The following TMEM164 variants were observed in gnomAD, a reference collection of about 807,000 sequenced individuals.
TMEM164 encodes transmembrane protein 164.
In TMEM164, 4 loss-of-function variants were observed where a neutral mutation model predicts 18.8. The observed-to-expected ratio is 0.21, with a 90% CI of 0.10 to 0.49. TMEM164 has a LOEUF of 0.49. Among genes scored for constraint, TMEM164 ranks in the 20% least tolerant of loss-of-function variants. The pLI is 0.98. For missense variants in TMEM164, 108 were observed against 239.9 expected (o/e 0.45, Z 3.63); for synonymous variants, 86 against 101.7 (o/e 0.85, Z 0.93).
chrX:110,129,997 A>T (rs1426562581), intron 4 of TMEM164, among the ~76,000 whole-genome samples: 2 of 112,616 alleles, frequency 1.8e-5, no homozygotes, highest in Non-Finnish European at 3.7e-5. Flanking sequence ...TGTAAGGTAC[A>T]TAAAGGCAGA....
At chrX:110,147,653 C>A (rs1341845180) in intron 5 of TMEM164, among the ~76,000 whole-genome samples, 1 of 110,764 alleles carries the variant, frequency 9.0e-6, no homozygotes, top group African/African-American at 3.3e-5. Flanking sequence ...TGGTCCCTTC[C>A]CCTATATTCC....
intron 2 of TMEM164, among the ~76,000 whole-genome samples, chrX:110,031,860 C>A (rs868586708): frequency 2.0e-5 from 2 of 102,492 alleles, no homozygotes; most frequent in African/African-American, 7.7e-5. Context: ...CTTTTTTTTT[C>A]TTTTTATTAT....
At chrX:110,020,567 G>A in intron 2 of TMEM164, 1 of 754,488 alleles carries the variant, frequency 1.3e-6, no homozygotes, top group Non-Finnish European at 1.6e-6. Flanking sequence ...CCAGGAAGTG[G>A]AATGAGATCC....
Position 110,086,636 on chromosome X carries a change from GTGTATATATATGTA to G in TMEM164, c.440+19242_440+19255del, listed in dbSNP as rs1426338961. ...TATATATGTGTATATATGTATATAT[GTGTATATATATGTA>G]TATATATATGTGTGTGTGTATATAT... is the stretch of plus-strand genomic sequence containing the variant. On this transcript the variant is annotated intron_variant, in intron 3 of 6. Transcript: ENST00000372068. Among the ~76,000 whole-genome samples the G allele has an allele frequency of 2.2e-4, 14 of 63,216 alleles. No individual in the cohort carries two copies. In the South Asian group the frequency reaches 3.0e-3, roughly 14 times the overall value. The allele number at this position is 63,216 out of a possible 115,157, so 54.9% of individuals were successfully genotyped here.
chrX:110,120,941 C>T (rs998101972), intron 4 of TMEM164, among the ~76,000 whole-genome samples: 5 of 112,093 alleles, frequency 4.5e-5, no homozygotes, highest in Admixed American at 2.8e-4. Flanking sequence ...CTAGTTCTGC[C>T]CTGCCACTGG....
chrX:110,079,369 G>A (rs2065719065), intron 3 of TMEM164, among the ~76,000 whole-genome samples: 1 of 112,006 alleles, frequency 8.9e-6, no homozygotes, highest in African/African-American at 3.2e-5. Context: ...AATGTGTTGA[G>A]CATCCCCAAA....
chrX:110,119,241 C>G (rs1307138893), intron 4 of TMEM164, among the ~76,000 whole-genome samples: 1 of 112,035 alleles, frequency 8.9e-6, no homozygotes, highest in Non-Finnish European at 1.9e-5. Flanking sequence ...GGCTTTGTGC[C>G]TTTTGTCTTT....
intron 2 of TMEM164, among the ~76,000 whole-genome samples, chrX:110,019,969 C>T (rs1438914723): frequency 8.9e-6 from 1 of 112,228 alleles, no homozygotes; most frequent in African/African-American, 3.2e-5. Context: ...GTTTATGCTG[C>T]ACTGTTAGAC....
At chrX:110,033,784 C>T (rs1318244337) in intron 2 of TMEM164, among the ~76,000 whole-genome samples, 1 of 111,088 alleles carries the variant, frequency 9.0e-6, no homozygotes, top group African/African-American at 3.3e-5. Flanking sequence ...TTCCCTGATC[C>T]CCACTTTTAC....
chrX:110,173,725 G>A lies in TMEM164; in HGVS notation c.*274G>A. 1 of 346,483 alleles carries A rather than the reference G, an allele frequency of 2.9e-6. No individual in the cohort carries two copies. Among genetic ancestry groups the A allele is most frequent in the Non-Finnish European group, 5.0e-6 (1 of 200,519 alleles). The allele number at this position is 346,483 out of a possible 1,213,427, so 28.6% of individuals were successfully genotyped here. A position where few individuals can be genotyped will look rare whatever the true frequency, so the allele number is the denominator to read the frequency against. On this transcript the variant is annotated 3_prime_UTR_variant, in exon 7 of 7. Transcript: ENST00000372068. ...CCTAGTGGCCTTACATGGGGAGATT[G>A]CAGTGAGCGGCTCTTTCACTCTGCT...
intron 3 of TMEM164, among the ~76,000 whole-genome samples, chrX:110,088,072 T>C (rs1287702548): frequency 8.9e-6 from 1 of 112,065 alleles, no homozygotes; most frequent in Non-Finnish European, 1.9e-5. Context: ...CAGTGCAGTA[T>C]CCCCATGGCC....
intron 2 of TMEM164, among the ~76,000 whole-genome samples, chrX:110,058,699 C>T (rs1255310369): frequency 9.6e-6 from 1 of 104,010 alleles, no homozygotes; most frequent in African/African-American, 3.5e-5. Context: ...CCTCTGCCTC[C>T]CTGGTTCAAG....
rs569106173 is a variant in TMEM164, at chrX:110,090,732, A to G, written c.441-18348A>G. On this transcript the variant is annotated intron_variant, in intron 3 of 6. Transcript: ENST00000372068. ...TTATTTTTATTTTTTATTATACTTTAAGTTCTAGGGTACATGTGCACAACA... is the reference window on the plus strand; with the variant it reads ...TTATTTTTATTTTTTATTATACTTTGAGTTCTAGGGTACATGTGCACAACA... 9.0e-5 allele frequency among the ~76,000 whole-genome samples: 10 copies of G among 111,411 alleles called. No homozygotes were observed. The South Asian group carries it at 3.8e-3, about 42-fold the overall frequency.
chrX:110,053,231 T>A (rs1163678839), intron 2 of TMEM164, among the ~76,000 whole-genome samples: 2 of 111,776 alleles, frequency 1.8e-5, no homozygotes, highest in Non-Finnish European at 3.8e-5. Context: ...ATAAAATGTC[T>A]TGCTGAGAGT....
intron 3 of TMEM164, among the ~76,000 whole-genome samples, chrX:110,072,243 GTGAGA>G (rs2065604093): frequency 2.0e-5 from 2 of 100,511 alleles, no homozygotes; most frequent in South Asian, 4.8e-4. Flanking sequence ...GGAGGTTGCA[GTGAGA>G]TGAGATCGCA....
chrX:110,164,015 G>A (rs1188973476), intron 5 of TMEM164, among the ~76,000 whole-genome samples: 1 of 112,454 alleles, frequency 8.9e-6, no homozygotes, highest in Non-Finnish European at 1.9e-5. Context: ...AAAGATTCGA[G>A]AAGAGAGAAA....
chrX:110,084,380 G>GTA (rs1351039304), intron 3 of TMEM164, among the ~76,000 whole-genome samples: 30 of 1,985 alleles, frequency 0.015, no homozygotes, highest in Non-Finnish European at 0.037. Flanking sequence ...TATATATAGT[G>GTA]TATATATATA....
At chrX:110,036,678 A>G (rs1602510651) in intron 2 of TMEM164, among the ~76,000 whole-genome samples, 1 of 112,730 alleles carries the variant, frequency 8.9e-6, no homozygotes, top group African/African-American at 3.2e-5. Flanking sequence ...GGCTGTATCT[A>G]TAAGTCCTAG....
At chrX:110,152,087 C>T (rs1202024356) in intron 5 of TMEM164, among the ~76,000 whole-genome samples, 1 of 89,177 alleles carries the variant, frequency 1.1e-5, no homozygotes, top group Non-Finnish European at 2.1e-5. Flanking sequence ...GACGTAGTCT[C>T]ACTCTGTTGC....
Sources: gnomAD v4.1 joint callset for allele counts (sites outside exome capture counted in the v4.1 genomes callset) on GRCh38, gnomAD v4.1.1 for gene constraint, MANE v1.5 for transcripts, NCBI Gene and HGNC (gene_info 2026-07-23, HGNC 2026-07-21) for gene names.